The following ASIC5 variants were observed in gnomAD, a reference collection of about 807,000 sequenced individuals.
The protein encoded by ASIC5 is bile acid-sensitive ion channel.
A neutral mutation model predicts 51.2 loss-of-function variants in ASIC5; 52 were observed. The observed-to-expected ratio is 1.02, with a 90% confidence interval of 0.81 to 1.28. The LOEUF (loss-of-function observed/expected upper bound fraction) is 1.28, where lower values mean the gene tolerates loss of function less well. Ranked by LOEUF, ASIC5 falls within the 50% of genes most tolerant of loss-of-function variation. ASIC5 has a pLI of 0.00. For missense variants in ASIC5, 635 were observed against 595.0 expected (o/e 1.07, Z -0.70); for synonymous variants, 231 against 200.7 (o/e 1.15, Z -1.28).
rs1055639492 is a variant in ASIC5 at position 155,859,325 on chromosome 4, G to T, written c.347+4123C>A. 7.8e-4 allele frequency among the ~76,000 whole-genome samples: 119 copies of T among 151,862 alleles called. 2 individuals are homozygous for T. The highest frequency in any genetic ancestry group is 2.0e-3 in the Admixed American group (30 of 15,214). On this transcript the variant is annotated intron_variant, in intron 2 of 9. Coordinates refer to ENST00000537611, the MANE Select transcript of ASIC5 (RefSeq NM_017419.3). ...TATTTTTTAACATTTTTATTGACAT[G>T]AATATATAGGCCATTTTCATTATTT...
intron 2 of ASIC5, among the ~76,000 whole-genome samples, chr4:155,858,598 A>G (rs543397825): frequency 5.5e-4 from 83 of 152,236 alleles, no homozygotes; most frequent in Non-Finnish European, 1.0e-3. Flanking sequence ...ACAAAATCAC[A>G]GAAATATCTG....
At chr4:155,844,999 G>C (rs1329893379) in intron 4 of ASIC5, among the ~76,000 whole-genome samples, 1 of 151,898 alleles carries the variant, frequency 6.6e-6, no homozygotes, top group African/African-American at 2.4e-5. Context: ...GCACATTTTG[G>C]GTCCAACACG....
intron 2 of ASIC5, chr4:155,854,969 T>G: frequency 6.6e-6 from 1 of 152,202 alleles, no homozygotes; most frequent in Admixed American, 6.6e-5. Flanking sequence ...TTGTATTTGT[T>G]TCCCCGACTT....
At chr4:155,844,426 C>T (rs1741191919) in intron 4 of ASIC5, among the ~76,000 whole-genome samples, 1 of 152,002 alleles carries the variant, frequency 6.6e-6, no homozygotes, top group South Asian at 2.1e-4. Context: ...CAGCTTGGGC[C>T]CCATCACTAG....
intron 2 of ASIC5, among the ~76,000 whole-genome samples, chr4:155,855,694 T>C (rs1363239741): frequency 4.7e-5 from 7 of 148,996 alleles, no homozygotes; most frequent in Non-Finnish European, 1.0e-4. Flanking sequence ...TATATTATCT[T>C]ATTTAATATA....
chr4:155,852,223 T>C lies in ASIC5; in HGVS notation c.679A>G (p.Arg227Gly). 1 of 1,610,958 alleles carries C rather than the reference T, an allele frequency of 6.2e-7. No homozygotes were observed. Among genetic ancestry groups the C allele is most frequent in the Non-Finnish European group, 8.5e-7 (1 of 1,178,494 alleles). Residue 227 changes from arginine to glycine, a missense_variant, in exon 4 of 10, where the codon AGA becomes GGA. By Grantham distance (125) the Arg-to-Gly change is moderately radical. Transcript: ENST00000537611. ...QAKRKVSVSG[R>G]GLSLLFNVNQ... ...ACATTGAAGAGTAAGCTCAAACCTC[T>C]TCCAGAGACACTCACTTTTCTCTTT...
At chr4:155,833,609 A>G (rs1307857438) in intron 8 of ASIC5, among the ~76,000 whole-genome samples, 1 of 152,240 alleles carries the variant, frequency 6.6e-6, no homozygotes, top group African/African-American at 2.4e-5. Context: ...TTGGAAGTCC[A>G]GAAATTTTAG....
intron 4 of ASIC5, among the ~76,000 whole-genome samples, chr4:155,848,946 G>A (rs913794207): frequency 7.2e-5 from 11 of 152,034 alleles, no homozygotes; most frequent in African/African-American, 2.4e-4. Flanking sequence ...AAAACGTGGA[G>A]CATACTTTAT....
intron 3 of ASIC5, among the ~76,000 whole-genome samples, chr4:155,853,289 G>C (rs1437841729): frequency 1.3e-5 from 2 of 151,896 alleles, no homozygotes; most frequent in East Asian, 3.9e-4. Context: ...TCTGCTTACT[G>C]TGTGCTAAGG....
intron 1 of ASIC5, among the ~76,000 whole-genome samples, chr4:155,865,524 C>T (rs1196618717): frequency 6.6e-6 from 1 of 152,100 alleles, no homozygotes. Flanking sequence ...TAACTAGTTA[C>T]TGACAAGCAA....
At chr4:155,862,361 A>G (rs1741732121) in intron 2 of ASIC5, among the ~76,000 whole-genome samples, 1 of 152,130 alleles carries the variant, frequency 6.6e-6, no homozygotes, top group African/African-American at 2.4e-5. Context: ...ACAATGGAGT[A>G]CTTATTACCT....
chr4:155,839,221 C>G (rs9998652), intron 6 of ASIC5, among the ~76,000 whole-genome samples: 148,578 of 152,244 alleles, frequency 0.98, 72,536 homozygotes, highest in East Asian at 1. Context: ...ACAATCCTGT[C>G]ATATGAGAAT....
rs547470014 is a variant in ASIC5 at position 155,857,063 on chromosome 4, A to AT, written c.348-2750dup. On this transcript the variant is annotated intron_variant, in intron 2 of 9. Transcript: ENST00000537611. ...TAACAATATTAAGCCAAGGAAGAAA[A>AT]TTTTTTGTGAGAAATATTGTTTTGC... Among the ~76,000 whole-genome samples, 102 of 152,146 alleles carry AT rather than the reference A, an allele frequency of 6.7e-4. 1 individual carries two copies. The highest frequency in any genetic ancestry group is 2.2e-3 in the African/African-American group (93 of 41,546).
intron 4 of ASIC5, among the ~76,000 whole-genome samples, chr4:155,844,400 G>A (rs542075583): frequency 2.0e-5 from 3 of 152,060 alleles, no homozygotes; most frequent in East Asian, 1.9e-4. Context: ...CTTCTGCATC[G>A]GCAGAGAGCA....
chr4:155,838,907 T>A (rs775601758), intron 6 of ASIC5, 38 bp from the exon 7 acceptor site: 5 of 1,190,232 alleles, frequency 4.2e-6, no homozygotes, highest in Middle Eastern at 1.9e-4. Flanking sequence ...AGACTTTACA[T>A]TTTGTAAAAT....
chr4:155,845,105 G>A (rs942926497), intron 4 of ASIC5, among the ~76,000 whole-genome samples: 1 of 151,872 alleles, frequency 6.6e-6, no homozygotes, highest in Non-Finnish European at 1.5e-5. Context: ...GAAAAAAAAA[G>A]GAAAGATTTT....
At position 155,839,996 on chromosome 4, in the gene ASIC5, G is replaced by A. The variant is rs1028104995; in HGVS notation, c.1010-1127C>T. 7.9e-5 allele frequency among the ~76,000 whole-genome samples: 12 copies of A among 152,188 alleles called. No individual in the cohort carries two copies. The East Asian group carries it at 9.7e-4, about 12-fold the overall frequency. Reference sequence around the variant, plus strand: ...ATTTGTTTAACGTTTAGAATCTTCCGTTTATTCATATATCAGTACACTTAA... The same window carrying A: ...ATTTGTTTAACGTTTAGAATCTTCCATTTATTCATATATCAGTACACTTAA... On this transcript the variant is annotated intron_variant, in intron 6 of 9. Coordinates refer to ENST00000537611, the MANE Select transcript of ASIC5 (RefSeq NM_017419.3).
chr4:155,838,975 C>T, intron 6 of ASIC5, 106 bp from the exon 7 acceptor site: 1 of 622,218 alleles, frequency 1.6e-6, no homozygotes, highest in African/African-American at 1.9e-5. Flanking sequence ...CATTCATCCA[C>T]CCACCCATTC....
At chr4:155,857,487 GCTAGAATTTGA>G (rs1279312832) in intron 2 of ASIC5, among the ~76,000 whole-genome samples, 4 of 152,004 alleles carry the variant, frequency 2.6e-5, no homozygotes, top group African/African-American at 9.7e-5. Flanking sequence ...ACCTTGCTTA[GCTAGAATTTGA>G]CTTACTCTAA....
Sources: gnomAD v4.1 joint callset for allele counts (sites outside exome capture counted in the v4.1 genomes callset) on GRCh38, gnomAD v4.1.1 for gene constraint, MANE v1.5 for transcripts, NCBI Gene and HGNC (gene_info 2026-07-23, HGNC 2026-07-21) for gene names.